DDX25: variants seen among roughly 807,000 people sequenced by gnomAD.
DDX25 encodes the protein DEAD-box helicase 25.
A neutral mutation model predicts 64.6 loss-of-function variants in DDX25; 70 were observed. The ratio of observed to expected loss-of-function variants is 1.08; its 90% CI spans 0.89 to 1.32. The LOEUF (loss-of-function observed/expected upper bound fraction) is 1.32, where lower values mean the gene tolerates loss of function less well. DDX25 is among the 40% of genes most tolerant of loss of function. DDX25 has a pLI of 0.00. For synonymous variants in DDX25, 211 were observed against 213.3 expected, an observed-to-expected ratio of 0.99 and a Z score of 0.09; for missense variants, 587 against 604.4, an observed-to-expected ratio of 0.97 and a Z score of 0.30.
intron 11 of DDX25, 55 bp from the exon 12 acceptor site, chr11:125,922,765 A>C: frequency 6.9e-7 from 1 of 1,450,504 alleles, no homozygotes; most frequent in South Asian, 1.3e-5. Context: ...GGATGGAATG[A>C]AGTTCCATTT....
intron 4 of DDX25, among the ~76,000 whole-genome samples, chr11:125,906,580 A>G (rs73626624): frequency 0.061 from 9,233 of 152,126 alleles, 532 homozygotes; most frequent in African/African-American, 0.14. Context: ...TAATCCCAAC[A>G]CTTGGGAGCT....
At chr11:125,907,322 G>C (rs1591514972) in intron 4 of DDX25, among the ~76,000 whole-genome samples, 1 of 152,124 alleles carries the variant, frequency 6.6e-6, no homozygotes, top group Non-Finnish European at 1.5e-5. Flanking sequence ...AAAAGTTGAA[G>C]TGTTGGCCGG....
chr11:125,917,576 A>AT (rs1362771091), intron 9 of DDX25, among the ~76,000 whole-genome samples: 1 of 152,162 alleles, frequency 6.6e-6, no homozygotes, highest in Non-Finnish European at 1.5e-5. Flanking sequence ...GTTATTCACT[A>AT]TTAACAAAAC....
chr11:125,918,568 A>T (rs1260554624), intron 9 of DDX25, 60 bp from the exon 10 acceptor site: 2 of 1,557,848 alleles, frequency 1.3e-6, no homozygotes, highest in Non-Finnish European at 1.7e-6. Flanking sequence ...TGTCACAAGC[A>T]CAGCTAGGCT....
chr11:125,916,302 A>G (rs991266422), intron 8 of DDX25, among the ~76,000 whole-genome samples: 4 of 152,238 alleles, frequency 2.6e-5, no homozygotes, highest in Non-Finnish European at 4.4e-5. Context: ...ATTTATCACA[A>G]GAAGCCATGC....
Position 125,910,486 on chromosome 11 carries a change from C to G in DDX25, c.622+8C>G. On this transcript the variant is annotated splice_region_variant and intron_variant, in intron 7 of 11. Coordinates refer to ENST00000263576, the MANE Select transcript of DDX25 (RefSeq NM_013264.5). ...CCATTCGAGGGAATCGAAGTATGTA[C>G]CAGTAAGCCAGTCCTGGCTGATTTT... is the stretch of plus-strand genomic sequence containing the variant. 1 of 1,612,182 alleles carries G rather than the reference C, an allele frequency of 6.2e-7. No individual in the cohort carries two copies. The highest frequency in any genetic ancestry group is 8.5e-7 in the Non-Finnish European group (1 of 1,178,390).
chr11:125,910,968 T>G (rs965648539), intron 7 of DDX25, among the ~76,000 whole-genome samples: 1 of 152,136 alleles, frequency 6.6e-6, no homozygotes, highest in Non-Finnish European at 1.5e-5. Context: ...TATTTATATT[T>G]GTTTTCACTG....
At chr11:125,916,138 T>C (rs1945033244) in intron 8 of DDX25, among the ~76,000 whole-genome samples, 1 of 152,214 alleles carries the variant, frequency 6.6e-6, no homozygotes, top group South Asian at 2.1e-4. Flanking sequence ...CTTTTAGCAC[T>C]AACAGTTTAT....
intron 8 of DDX25, among the ~76,000 whole-genome samples, chr11:125,914,584 C>T (rs58404195): frequency 0.018 from 2,761 of 152,284 alleles, 98 homozygotes; most frequent in African/African-American, 0.062. Context: ...GCTCCTTATA[C>T]GTATTTTCTG....
At chr11:125,918,081 A>G (rs1329103643) in intron 9 of DDX25, among the ~76,000 whole-genome samples, 1 of 152,010 alleles carries the variant, frequency 6.6e-6, no homozygotes, top group Non-Finnish European at 1.5e-5. Flanking sequence ...GGGTTTCACC[A>G]TGCTGGCCAG....
In DDX25 at chr11:125,918,760, G is replaced by A; in HGVS notation, c.1171G>A (p.Val391Ile). ...IQRFRDGKEK[V>I]LITTNVCARG... ...GAGGTTTCGGGATGGGAAAGAGAAG[G>A]TTCTCATAACAACTAATGTTTGTGC... The change falls in exon 10 of 12, where the codon GTT becomes ATT. Residue 391 changes from valine (V) to isoleucine (I), a missense_variant. Transcript: ENST00000263576. 6.3e-7 allele frequency: 1 copy of A among 1,599,916 alleles called. No homozygotes were observed. Among genetic ancestry groups the A allele is most frequent in the East Asian group, 2.3e-5 (1 of 44,350 alleles).
chr11:125,921,718 A>G lies in DDX25; in HGVS notation c.1390+339A>G, dbSNP rs1382564927. On this transcript the variant is annotated intron_variant, in intron 11 of 11. Coordinates refer to ENST00000263576, the MANE Select transcript of DDX25 (RefSeq NM_013264.5). This position sits in a 1 kb window ranked among gnomAD's most constrained non-coding sequence, Gnocchi z 4.1. ...ATCCTGGCCAACATGGTAAAACCCC[A>G]TCTCTACTAACAATACAAAAATTAG... The G allele has an allele frequency of 2.5e-5, 5 of 196,824 alleles. No individual in the cohort carries two copies. The highest frequency in any genetic ancestry group is 1.2e-4 in the South Asian group (1 of 8,458). 12.2% of individuals were successfully genotyped at this position (196,824 alleles called of 1,614,324 possible).
chr11:125,904,920 T>G (rs1188968077), intron 1 of DDX25: 4 of 550,572 alleles, frequency 7.3e-6, no homozygotes, highest in Non-Finnish European at 1.3e-5. Context: ...CAGCGCACTT[T>G]CCTAGCCACC....
At chr11:125,907,822 T>G (rs1409932205) in intron 4 of DDX25, among the ~76,000 whole-genome samples, 1 of 152,164 alleles carries the variant, frequency 6.6e-6, no homozygotes, top group Non-Finnish European at 1.5e-5. Context: ...ATATCGTTCG[T>G]GAAAAGGAAC....
In DDX25 at chr11:125,921,481, A is replaced by G; in HGVS notation, c.1390+102A>G. On this transcript the variant is annotated intron_variant, in intron 11 of 11. Coordinates refer to ENST00000263576, the MANE Select transcript of DDX25 (RefSeq NM_013264.5). This position sits in a 1 kb window ranked among gnomAD's most constrained non-coding sequence, Gnocchi z 4.1. ...GTCCAGGGGCTCATGAGAGTAGTAG[A>G]AGCAGAATGCATGAGCTGGAAGGCT... 1 of 1,343,946 alleles carries G rather than the reference A, an allele frequency of 7.4e-7. No homozygotes were observed. Among genetic ancestry groups the G allele is most frequent in the Non-Finnish European group, 1.0e-6 (1 of 1,001,082 alleles). The allele number at this position is 1,343,946 out of a possible 1,614,324, so 83.3% of individuals were successfully genotyped here.
chr11:125,906,201 G>A lies in DDX25; in HGVS notation c.303G>A (p.Glu101=). 1 of 1,535,338 alleles carries A rather than the reference G, an allele frequency of 6.5e-7. No individual in the cohort carries two copies. The highest frequency in any genetic ancestry group is 8.8e-7 in the Non-Finnish European group (1 of 1,142,662). Residue 101 remains glutamate (E), a synonymous_variant, in exon 4 of 12, where the codon GAG becomes GAA. Coordinates refer to ENST00000263576, the MANE Select transcript of DDX25 (RefSeq NM_013264.5). ...SPLYSVKTFE[E]LRLKEELLKG... ...TTTACTCAGTAAAGACATTTGAAGA[G>A]CTGCGGCTGTGAGTATTTTTACTCT...
intron 1 of DDX25, chr11:125,904,897 T>C: frequency 1.8e-6 from 1 of 551,302 alleles, no homozygotes; most frequent in South Asian, 2.2e-5. Flanking sequence ...TCACCTCGCT[T>C]CCATCCATTT....
chr11:125,922,232 C>G (rs1160777166), intron 11 of DDX25: 2 of 152,178 alleles, frequency 1.3e-5, no homozygotes, highest in African/African-American at 4.8e-5. Flanking sequence ...TCCCATGGTT[C>G]AAATTGTCCT....
intron 8 of DDX25, among the ~76,000 whole-genome samples, chr11:125,916,068 G>A (rs778100931): frequency 1.3e-5 from 2 of 152,114 alleles, no homozygotes; most frequent in African/African-American, 2.4e-5. Context: ...TTTGATGATC[G>A]AGACCCTAGG....
Sources: gnomAD v4.1 joint callset for allele counts (sites outside exome capture counted in the v4.1 genomes callset) on GRCh38, gnomAD v4.1.1 for gene constraint, Gnocchi (gnomAD v3.1) non-coding constraint, MANE v1.5 for transcripts, NCBI Gene and HGNC (gene_info 2026-07-23, HGNC 2026-07-21) for gene names.